Variants in GRB2 observed in about 807,000 individuals in gnomAD.
GRB2 encodes growth factor receptor bound protein 2.
Under a neutral mutation model 27.4 loss-of-function variants are expected in GRB2, and 2 were observed. The observed-to-expected ratio is 0.07, with a 90% CI of 0.03 to 0.23. GRB2 has a LOEUF of 0.23. GRB2 is among the 10% of genes least tolerant of loss of function. GRB2 has a pLI of 1.00. For missense variants in GRB2, 102 were observed against 282.4 expected, an observed-to-expected ratio of 0.36 and a Z score of 4.58; for synonymous variants, 94 against 99.6, an observed-to-expected ratio of 0.94 and a Z score of 0.33.
intron 2 of GRB2, among the ~76,000 whole-genome samples, chr17:75,337,685 C>A (rs767425539): frequency 6.7e-6 from 1 of 148,778 alleles, no homozygotes; most frequent in Non-Finnish European, 1.5e-5. Context: ...ATTCTCCTGC[C>A]TCAGCCTCCC....
intron 2 of GRB2, among the ~76,000 whole-genome samples, chr17:75,361,064 C>A (rs1208120829): frequency 6.6e-6 from 1 of 152,142 alleles, no homozygotes; most frequent in Non-Finnish European, 1.5e-5. Context: ...AGCCACTATG[C>A]CTGACCTAAA....
At chr17:75,326,797 A>G (rs1437301027) in intron 3 of GRB2, among the ~76,000 whole-genome samples, 1 of 152,236 alleles carries the variant, frequency 6.6e-6, no homozygotes, top group African/African-American at 2.4e-5. Context: ...GTGGCTTATC[A>G]AGAGGAAGAG....
Position 75,349,608 on chromosome 17 carries a change from C to G in GRB2, c.79-16811G>C, listed in dbSNP as rs2078676750. 4.0e-5 allele frequency among the ~76,000 whole-genome samples: 6 copies of G among 150,804 alleles called. No homozygotes were observed. In the South Asian group the frequency reaches 1.3e-3, roughly 32 times the overall value. The stretch of plus-strand genomic sequence containing the variant: ...CCACTGCAACCCCCGCACCCTCTGC[C>G]TCCTGGGTTCAAGTGATTCTCCTGC... On this transcript the variant is annotated intron_variant, in intron 2 of 5. Transcript: ENST00000316804.
chr17:75,389,295 C>T (rs868565470), intron 2 of GRB2, among the ~76,000 whole-genome samples: 1 of 15,736 alleles, frequency 6.4e-5, no homozygotes, highest in Non-Finnish European at 1.1e-4. Context: ...TTAACCTACA[C>T]GTCCTGTTCT....
Position 75,377,597 on chromosome 17 carries a change from G to GAAA in GRB2, c.78+15951_78+15953dup, listed in dbSNP as rs60003550. On this transcript the variant is annotated intron_variant, in intron 2 of 5. Coordinates refer to ENST00000316804, the MANE Select transcript of GRB2 (RefSeq NM_002086.5). ...GGCAACAGAGCGAGACCCTGTCTCA[G>GAAA]AAAAAAAAAAAAAAAAAAAAAAAAA... 4.9e-4 allele frequency among the ~76,000 whole-genome samples: 26 copies of GAAA among 53,172 alleles called. 1 individual carries two copies. The highest frequency in any genetic ancestry group is 1.9e-3 in the African/African-American group (21 of 11,046). The allele number at this position is 53,172 out of a possible 152,430, so 34.9% of individuals were successfully genotyped here. A position where few individuals can be genotyped will look rare whatever the true frequency, so the allele number is the denominator to read the frequency against.
rs778188895 is a variant in GRB2 at position 75,321,651 on chromosome 17, A to G, written c.468+8T>C. On this transcript the variant is annotated splice_region_variant and intron_variant, in intron 5 of 5. Transcript: ENST00000316804. Reference sequence around the variant, plus strand: ...AAAATGATCCCATCTCACCCTGATGAGGCTTACCTGTGGCACCTGTTCTAT... The same window carrying G: ...AAAATGATCCCATCTCACCCTGATGGGGCTTACCTGTGGCACCTGTTCTAT... 2 of 1,613,504 alleles carry G rather than the reference A, an allele frequency of 1.2e-6. No individual in the cohort carries two copies. The highest frequency in any genetic ancestry group is 2.7e-5 in the African/African-American group (2 of 74,908).
At chr17:75,326,495 A>C (rs550971558) in intron 3 of GRB2, among the ~76,000 whole-genome samples, 1 of 152,318 alleles carries the variant, frequency 6.6e-6, no homozygotes, top group South Asian at 2.1e-4. Context: ...CAGGAGCTGG[A>C]GGCAGGGTTA....
chr17:75,321,178 T>A (rs767391070), intron 5 of GRB2, among the ~76,000 whole-genome samples: 4 of 28,594 alleles, frequency 1.4e-4, no homozygotes, highest in Non-Finnish European at 1.0e-3. Context: ...TCTTTTTTTT[T>A]TTTTTTTTTT....
chr17:75,382,960 C>T (rs936877130), intron 2 of GRB2, among the ~76,000 whole-genome samples: 4 of 152,186 alleles, frequency 2.6e-5, no homozygotes, highest in Non-Finnish European at 5.9e-5. Context: ...CCGCCTGCCT[C>T]GGCCTCCCAA....
intron 2 of GRB2, among the ~76,000 whole-genome samples, chr17:75,343,329 G>T (rs1005864112): frequency 6.6e-6 from 1 of 152,106 alleles, no homozygotes; most frequent in Non-Finnish European, 1.5e-5. Flanking sequence ...GGAACAGTCT[G>T]CAAGACCTTG....
At chr17:75,337,888 A>ACTACTACTACTC (rs2078589575) in intron 2 of GRB2, among the ~76,000 whole-genome samples, 1 of 124,234 alleles carries the variant, frequency 8.0e-6, no homozygotes, top group Non-Finnish European at 1.7e-5. Flanking sequence ...TACTACTACT[A>ACTACTACTACTC]CTACTACTAC....
chr17:75,349,876 T>A (rs891771580), intron 2 of GRB2, among the ~76,000 whole-genome samples: 2 of 152,016 alleles, frequency 1.3e-5, no homozygotes, highest in Admixed American at 6.6e-5. Flanking sequence ...ATGATCATAT[T>A]GGCAAAGATG....
At chr17:75,349,638 GC>G (rs1309588348) in intron 2 of GRB2, among the ~76,000 whole-genome samples, 14 of 150,608 alleles carry the variant, frequency 9.3e-5, no homozygotes, top group African/African-American at 3.2e-4. Flanking sequence ...TCCTGCATCA[GC>G]CTCCCAAGTA....
At chr17:75,356,624 C>T (rs973834798) in intron 2 of GRB2, among the ~76,000 whole-genome samples, 1 of 152,174 alleles carries the variant, frequency 6.6e-6, no homozygotes, top group Non-Finnish European at 1.5e-5. Context: ...TGTGCATACC[C>T]ATCCTCTCTG....
At chr17:75,365,800 A>C (rs56131442) in intron 2 of GRB2, among the ~76,000 whole-genome samples, 5,033 of 152,250 alleles carry the variant, frequency 0.033, 117 homozygotes, top group Non-Finnish European at 0.05. Context: ...GCTCAGGAGC[A>C]CCAAAAAGAT....
intron 4 of GRB2, among the ~76,000 whole-genome samples, chr17:75,324,300 TTC>T (rs1317043694): frequency 1.3e-5 from 2 of 151,462 alleles, no homozygotes; most frequent in African/African-American, 4.9e-5. Context: ...CAAGTGATTC[TTC>T]TCTCTCAGCC....
At chr17:75,349,257 A>G (rs1165441445) in intron 2 of GRB2, among the ~76,000 whole-genome samples, 4 of 152,218 alleles carry the variant, frequency 2.6e-5, no homozygotes, top group Non-Finnish European at 5.9e-5. Flanking sequence ...TTTCAATGAT[A>G]AATGGTAATT....
intron 1 of GRB2, 145 bp from the exon 2 acceptor site, chr17:75,393,910 C>CA (rs1164720894): frequency 4.1e-6 from 2 of 487,170 alleles, no homozygotes; most frequent in Non-Finnish European, 3.6e-6. Flanking sequence ...ACAGCCCCCC[C>CA]CCGCCGACTT....
At chr17:75,355,730 T>G (rs146113622) in intron 2 of GRB2, among the ~76,000 whole-genome samples, 1 of 151,984 alleles carries the variant, frequency 6.6e-6, no homozygotes, top group Admixed American at 6.6e-5. Context: ...CTGGACAAGT[T>G]TGACCTAAGT....
Sources: gnomAD v4.1 joint callset for allele counts (sites outside exome capture counted in the v4.1 genomes callset) on GRCh38, gnomAD v4.1.1 for gene constraint, MANE v1.5 for transcripts, NCBI Gene and HGNC (gene_info 2026-07-23, HGNC 2026-07-21) for gene names.